Variants in NXPE2 observed in about 807,000 individuals in gnomAD.
NXPE2 encodes the protein NXPE family member 2.
A neutral mutation model predicts 34.4 loss-of-function variants in NXPE2; 34 were observed. The observed-to-expected ratio is 0.99, with a 90% CI of 0.75 to 1.31. NXPE2 has a LOEUF of 1.31. Ranked by LOEUF, NXPE2 falls within the 40% of genes most tolerant of loss-of-function variation. The probability of loss-of-function intolerance (pLI) is 0.00; values close to 1 mark genes in which losing one functional copy is unlikely to be tolerated. For synonymous variants in NXPE2, 235 were observed against 231.3 expected, an observed-to-expected ratio of 1.02 and a Z score of -0.15; for missense variants, 649 against 672.5, an observed-to-expected ratio of 0.97 and a Z score of 0.39.
the NXPE2 span, among the ~76,000 whole-genome samples, chr11:114,478,162 A>G: frequency 6.6e-6 from 1 of 151,796 alleles, no homozygotes; most frequent in African/African-American, 2.4e-5. Flanking sequence ...GAGGGTGGAC[A>G]TTTGTGTTTG....
At chr11:114,719,026 C>T in the NXPE2 span, among the ~76,000 whole-genome samples, 5 of 152,154 alleles carry the variant, frequency 3.3e-5, no homozygotes, top group African/African-American at 7.2e-5. Flanking sequence ...ACTGAGTGAT[C>T]GTTGGGAAGG....
the NXPE2 span, among the ~76,000 whole-genome samples, chr11:114,631,431 C>T: frequency 6.7e-6 from 1 of 148,792 alleles, no homozygotes; most frequent in Non-Finnish European, 1.5e-5. Flanking sequence ...GAACAAAAAA[C>T]CAAACACTGC....
chr11:114,595,963 GTGTT>G, the NXPE2 span, among the ~76,000 whole-genome samples: 1 of 152,100 alleles, frequency 6.6e-6, no homozygotes, highest in Non-Finnish European at 1.5e-5. Context: ...GAGAAAAAGA[GTGTT>G]TGATAAATAA....
chr11:114,634,657 G>C, the NXPE2 span, among the ~76,000 whole-genome samples: 2 of 152,018 alleles, frequency 1.3e-5, no homozygotes, highest in Non-Finnish European at 2.9e-5. Flanking sequence ...GTAAGGAAGG[G>C]ATCCAGTTTC....
the NXPE2 span, among the ~76,000 whole-genome samples, chr11:114,713,949 T>A: frequency 2.0e-5 from 3 of 152,256 alleles, no homozygotes; most frequent in Admixed American, 6.5e-5. Flanking sequence ...TGCTTCAGGC[T>A]CTTATACATG....
the NXPE2 span, among the ~76,000 whole-genome samples, chr11:114,746,065 C>G: frequency 6.6e-6 from 1 of 151,954 alleles, no homozygotes; most frequent in South Asian, 2.1e-4. Context: ...TCAGAACTTC[C>G]TTTTATGATG....
At chr11:114,761,604 T>A in the NXPE2 span, among the ~76,000 whole-genome samples, 1 of 139,970 alleles carries the variant, frequency 7.1e-6, no homozygotes, top group Non-Finnish European at 1.5e-5. Context: ...TCTCGCTCTG[T>A]CGCCCAGGCC....
chr11:114,464,756 C>T, the NXPE2 span, among the ~76,000 whole-genome samples: 1 of 151,852 alleles, frequency 6.6e-6, no homozygotes, highest in Admixed American at 6.6e-5. Context: ...TCTAAATCTA[C>T]CATAAAGACA....
At chr11:114,742,541 C>A in the NXPE2 span, among the ~76,000 whole-genome samples, 1 of 151,912 alleles carries the variant, frequency 6.6e-6, no homozygotes, top group African/African-American at 2.4e-5. Context: ...CTTTTTGGCA[C>A]TGAACTATGC....
At chr11:114,789,725 G>A in the NXPE2 span, among the ~76,000 whole-genome samples, 12 of 152,126 alleles carry the variant, frequency 7.9e-5, no homozygotes, top group Admixed American at 3.3e-4. Context: ...CTCTTGAGGC[G>A]GCCTTGGTAA....
the NXPE2 span, among the ~76,000 whole-genome samples, chr11:114,493,815 G>T: frequency 3.3e-5 from 5 of 152,132 alleles, no homozygotes; most frequent in African/African-American, 9.6e-5. Context: ...ACCTTCACAT[G>T]ATTTTATATT....
At chr11:114,523,877 C>T in the NXPE2 span, among the ~76,000 whole-genome samples, 6 of 152,306 alleles carry the variant, frequency 3.9e-5, no homozygotes, top group East Asian at 1.9e-4. Flanking sequence ...ACTGATACTA[C>T]GTTCTGTATG....
the NXPE2 span, among the ~76,000 whole-genome samples, chr11:114,731,466 A>G: frequency 6.6e-6 from 1 of 152,216 alleles, no homozygotes; most frequent in Non-Finnish European, 1.5e-5. Flanking sequence ...CAAACTGGAA[A>G]TAATGTAGAT....
the NXPE2 span, among the ~76,000 whole-genome samples, chr11:114,805,914 C>A: frequency 6.6e-6 from 1 of 152,196 alleles, no homozygotes; most frequent in South Asian, 2.1e-4. Context: ...GGGTCCCTGA[C>A]CCCCGAGTAG....
the NXPE2 span, chr11:114,583,152 T>G: frequency 2.1e-6 from 2 of 972,418 alleles, no homozygotes; most frequent in Non-Finnish European, 3.1e-6. Context: ...TTTTGAATAT[T>G]GATTTACATA....
At chr11:114,779,398 G>A in the NXPE2 span, among the ~76,000 whole-genome samples, 1 of 152,198 alleles carries the variant, frequency 6.6e-6, no homozygotes, top group African/African-American at 2.4e-5. Context: ...GTGCACCTGG[G>A]AAGGGGTTGA....
chr11:114,583,708 T>C, the NXPE2 span: 2 of 566,662 alleles, frequency 3.5e-6, no homozygotes, highest in Admixed American at 1.9e-5. Context: ...GCTTCTGTTA[T>C]GTTAATGATA....
At chr11:114,577,077 ATATATATACATATATATATAAAGT>A in the NXPE2 span, among the ~76,000 whole-genome samples, 1 of 123,400 alleles carries the variant, frequency 8.1e-6, no homozygotes, top group African/African-American at 3.5e-5. Context: ...ATATAAAGTT[ATATATATACATATATATATAAAGT>A]TATATATATA....
At chr11:114,674,198 G>A (rs1950832784), upstream of NXPE2, among the ~76,000 whole-genome samples, 1 of 151,770 alleles carries the variant, frequency 6.6e-6, no homozygotes, top group Non-Finnish European at 1.5e-5. Context: ...TGCATATGTT[G>A]CATTTCCTAC....
Sources: allele counts gnomAD v4.1 joint callset (sites outside exome capture counted in the v4.1 genomes callset), GRCh38; gene constraint gnomAD v4.1.1; transcripts MANE v1.5; gene names NCBI Gene and HGNC (gene_info 2026-07-23, HGNC 2026-07-21).